Variants in DMD observed in about 807,000 individuals in gnomAD.
DMD encodes the protein dystrophin, also known as mutant dystrophin.
A neutral mutation model predicts 330.1 loss-of-function variants in DMD; 63 were observed. The observed-to-expected ratio is 0.19, with a 90% confidence interval of 0.16 to 0.24. The LOEUF is 0.24. DMD is among the 10% of genes least tolerant of loss of function. The pLI, the probability that DMD is intolerant of heterozygous loss-of-function variation, is 1.00. For synonymous variants in DMD, 1,223 were observed against 959.8 expected (o/e 1.27, Z -5.07); for missense variants, 3,344 against 2,684.1 (o/e 1.25, Z -5.43).
chrX:32,336,131 G>A (rs1366294439), intron 41 of DMD, among the ~76,000 whole-genome samples: 1 of 109,068 alleles, frequency 9.2e-6, no homozygotes, highest in Non-Finnish European at 1.9e-5. Context: ...TATGTAACAT[G>A]TGCATACGTG....
chrX:32,583,457 C>A (rs1354139759), intron 13 of DMD, among the ~76,000 whole-genome samples: 2 of 111,542 alleles, frequency 1.8e-5, no homozygotes, highest in East Asian at 2.8e-4. Context: ...TGAGATCTTG[C>A]CACTGCACTC....
chrX:32,549,839 T>TA (rs1035940097), intron 16 of DMD, among the ~76,000 whole-genome samples: 2 of 111,679 alleles, frequency 1.8e-5, no homozygotes, highest in Non-Finnish European at 3.8e-5. Flanking sequence ...TCCACTTGTT[T>TA]AAAAAATGCA....
At chrX:32,194,271 G>A (rs950265052) in intron 44 of DMD, among the ~76,000 whole-genome samples, 1 of 111,513 alleles carries the variant, frequency 9.0e-6, no homozygotes, top group Non-Finnish European at 1.9e-5. Flanking sequence ...TTTGACAATT[G>A]AATGTATCTA....
At chrX:33,061,414 G>A (rs769607040) in intron 1 of DMD, among the ~76,000 whole-genome samples, 1 of 111,822 alleles carries the variant, frequency 8.9e-6, no homozygotes, top group South Asian at 3.7e-4. Context: ...CTTTGGAGAA[G>A]GCTGTTTTAA....
At chrX:32,225,448 T>C (rs994832718) in intron 43 of DMD, among the ~76,000 whole-genome samples, 85 of 111,856 alleles carry the variant, frequency 7.6e-4, no homozygotes, top group Non-Finnish European at 1.4e-3. Context: ...CTACTTGGAC[T>C]ATCCTCATCA....
chrX:32,595,697 C>A lies in DMD; in HGVS notation c.1602+60G>T. ...AATTGCATTCTAAATTTTTAAAATA[C>A]TTTTCAAGTTATAGTTCTTTTAAAG... On this transcript the variant is annotated intron_variant, in intron 13 of 78. Transcript: ENST00000357033. 3 of 1,120,315 alleles carry A rather than the reference C, an allele frequency of 2.7e-6. No homozygotes were observed. In the Admixed American group the frequency reaches 6.8e-5, roughly 25 times the overall value. 92.3% of individuals were successfully genotyped at this position (1,120,315 alleles called of 1,213,427 possible).
chrX:32,039,022 T>A (rs911905213), intron 44 of DMD, among the ~76,000 whole-genome samples: 2 of 111,186 alleles, frequency 1.8e-5, no homozygotes, highest in Non-Finnish European at 3.8e-5. Flanking sequence ...TGTGTGTGTT[T>A]TAGATAAGTT....
chrX:32,831,649 CGTGTGTGTGTGTGTGTGTGTGTGTGT>C (rs6151283), intron 4 of DMD, among the ~76,000 whole-genome samples: 6 of 89,751 alleles, frequency 6.7e-5, no homozygotes, highest in South Asian at 6.8e-4. Context: ...AAGATATTTA[CGTGTGTGTGTGTGTGTGTGTGTGTGT>C]GTGTGTGTGT....
chrX:31,558,565 A>G (rs750513497), intron 55 of DMD, among the ~76,000 whole-genome samples: 2 of 111,335 alleles, frequency 1.8e-5, no homozygotes, highest in Non-Finnish European at 3.8e-5. Flanking sequence ...AATAGGTCAC[A>G]TAAGTATGTA....
chrX:32,755,458 T>A (rs1296332361), intron 7 of DMD, among the ~76,000 whole-genome samples: 1 of 111,759 alleles, frequency 8.9e-6, no homozygotes, highest in Non-Finnish European at 1.9e-5. Flanking sequence ...CCCTGAAATG[T>A]ATTCTGAATT....
intron 7 of DMD, 137 bp downstream of exon 7, chrX:32,809,356 G>A: frequency 1.9e-6 from 1 of 535,720 alleles, no homozygotes; most frequent in Admixed American, 2.6e-5. Flanking sequence ...CAAGAAGGCT[G>A]AACATTTTAA....
At chrX:32,474,142 T>C (rs1217216356) in intron 21 of DMD, among the ~76,000 whole-genome samples, 1 of 110,845 alleles carries the variant, frequency 9.0e-6, no homozygotes, top group Non-Finnish European at 1.9e-5. Flanking sequence ...TTCAGGTCAC[T>C]GCAAATGCTG....
chrX:33,161,744 T>C (rs777079662), intron 1 of DMD, among the ~76,000 whole-genome samples: 1 of 111,905 alleles, frequency 8.9e-6, no homozygotes, highest in South Asian at 3.7e-4. Flanking sequence ...GCTTACCGTA[T>C]ACCCCTTTTC....
intron 43 of DMD, among the ~76,000 whole-genome samples, chrX:32,264,299 C>A (rs2097335466): frequency 9.0e-6 from 1 of 111,695 alleles, no homozygotes; most frequent in East Asian, 2.8e-4. Context: ...TGAGGCCTCC[C>A]CAGCCATGCA....
At chrX:32,096,987 T>C (rs2096511660) in intron 44 of DMD, among the ~76,000 whole-genome samples, 1 of 111,812 alleles carries the variant, frequency 8.9e-6, no homozygotes, top group African/African-American at 3.3e-5. Context: ...GCAAAGAAAA[T>C]TCTTAAAGAT....
rs2072024996 is a variant in DMD at position 32,759,861 on chromosome X, GGGGGA to G, written c.649+49627_649+49631del. Among the ~76,000 whole-genome samples, 3 of 9,829 alleles carry G rather than the reference GGGGGA, an allele frequency of 3.1e-4. No homozygotes were observed. The African/African-American group carries it at 4.4e-3, about 14-fold the overall frequency. 8.5% of individuals were successfully genotyped at this position (9,829 alleles called of 115,157 possible). A position where few individuals can be genotyped will look rare whatever the true frequency, so the allele number is the denominator to read the frequency against. On this transcript the variant is annotated intron_variant, in intron 7 of 78. Coordinates refer to ENST00000357033, the MANE Select transcript of DMD (RefSeq NM_004006.3). ...TTTTTCTTGGGGGGGGGGGGGGGGCGGGGGAAGACCCAGGCAGGCCCATGTGATAC... is the reference window on the plus strand; with the variant it reads ...TTTTTCTTGGGGGGGGGGGGGGGGCGAGACCCAGGCAGGCCCATGTGATAC...
At chrX:33,013,615 G>C (rs754629749) in intron 2 of DMD, among the ~76,000 whole-genome samples, 9 of 112,234 alleles carry the variant, frequency 8.0e-5, no homozygotes, top group Non-Finnish European at 1.5e-4. Context: ...TTCTGTTAAA[G>C]CAGGCACATT....
chrX:31,382,636 G>A (rs1032181703), intron 60 of DMD, among the ~76,000 whole-genome samples: 17 of 110,985 alleles, frequency 1.5e-4, no homozygotes, highest in African/African-American at 5.3e-4. Context: ...CTCTTATTCC[G>A]TTTAGTTTTT....
chrX:32,558,108 G>A (rs1256050283), intron 16 of DMD, among the ~76,000 whole-genome samples: 1 of 110,876 alleles, frequency 9.0e-6, no homozygotes, highest in African/African-American at 3.3e-5. Context: ...AATTAAGAAG[G>A]TTTATTCTGT....
Sources: gnomAD v4.1 joint callset for allele counts (sites outside exome capture counted in the v4.1 genomes callset) on GRCh38, gnomAD v4.1.1 for gene constraint, MANE v1.5 for transcripts, NCBI Gene and HGNC (gene_info 2026-07-23, HGNC 2026-07-21) for gene names.